Variants in CAMK4 observed in about 807,000 individuals in gnomAD.
CAMK4 encodes calcium/calmodulin dependent protein kinase IV.
CAMK4 carries 22 observed loss-of-function variants against 44.9 expected under a neutral mutation model. The ratio of observed to expected loss-of-function variants is 0.49; its 90% confidence interval spans 0.35 to 0.70. The LOEUF (loss-of-function observed/expected upper bound fraction) is 0.70. Ranked by LOEUF, CAMK4 falls within the 30% of genes least tolerant of loss-of-function variation. The pLI is 0.01. For synonymous variants in CAMK4, 218 were observed against 215.4 expected (o/e 1.01, Z -0.11); for missense variants, 498 against 586.8 (o/e 0.85, Z 1.56).
chr5:111,357,806 A>G (rs942408307), intron 2 of CAMK4, among the ~76,000 whole-genome samples: 1 of 152,124 alleles, frequency 6.6e-6, no homozygotes, highest in Non-Finnish European at 1.5e-5. Context: ...ATTGTTAAAC[A>G]CTATGTAATG....
chr5:111,245,655 C>T (rs1454029689), intron 1 of CAMK4, among the ~76,000 whole-genome samples: 1 of 152,184 alleles, frequency 6.6e-6, no homozygotes, highest in East Asian at 1.9e-4. Flanking sequence ...AACTGATTCC[C>T]TGATCTAATA....
chr5:111,473,345 T>C lies in CAMK4; in HGVS notation c.660T>C (p.Pro220=). ...TTCTTAGAGGTTGTGCCTATGGACC[T>C]GAGGTGGACATGTGGTCTGTAGGAA... is the stretch of plus-strand genomic sequence containing the variant. ...PEILRGCAYG[P]EVDMWSVGII... The change falls in exon 8 of 11, where the codon CCT becomes CCC. Residue 220 remains proline, a synonymous_variant. Transcript: ENST00000282356. The C allele has an allele frequency of 6.2e-7, 1 of 1,612,946 alleles. No individual in the cohort carries two copies. Among genetic ancestry groups the C allele is most frequent in the East Asian group, 2.2e-5 (1 of 44,820 alleles).
Position 111,290,136 on chromosome 5 carries a change from T to C in CAMK4, c.162-53888T>C, listed in dbSNP as rs1025294187. On this transcript the variant is annotated intron_variant, in intron 1 of 10. Transcript: ENST00000282356. The surrounding 1 kb of genome is among the most constrained non-coding windows in gnomAD (Gnocchi z 4.5). Reference sequence around the variant, plus strand: ...CCTGTCAAGTATCGTATATATGCCATTGGTTCAACACATAAACCCTGTTTT... The same window carrying C: ...CCTGTCAAGTATCGTATATATGCCACTGGTTCAACACATAAACCCTGTTTT... Among the ~76,000 whole-genome samples, 2 of 152,148 alleles carry C rather than the reference T, an allele frequency of 1.3e-5. No individual in the cohort carries two copies. Among genetic ancestry groups the C allele is most frequent in the Non-Finnish European group, 1.5e-5 (1 of 68,028 alleles).
chr5:111,338,791 G>C (rs1053252697), intron 1 of CAMK4, among the ~76,000 whole-genome samples: 5 of 151,192 alleles, frequency 3.3e-5, no homozygotes, highest in South Asian at 4.2e-4. Context: ...TTTATTTCTG[G>C]GTTCTATATT....
In CAMK4 at chr5:111,290,187, C is replaced by G. The variant is rs1212259629; in HGVS notation, c.162-53837C>G. On this transcript the variant is annotated intron_variant, in intron 1 of 10. Coordinates refer to ENST00000282356, the MANE Select transcript of CAMK4 (RefSeq NM_001744.6). This position sits in a 1 kb window ranked among gnomAD's most constrained non-coding sequence, Gnocchi z 4.5. ...GGAGTATAGACGCCTGCTCCCCTAC[C>G]CATAAAAATTTTCCTTGAGCTGGAA... Among the ~76,000 whole-genome samples the G allele has an allele frequency of 1.3e-5, 2 of 152,116 alleles. No homozygotes were observed. Among genetic ancestry groups the G allele is most frequent in the Non-Finnish European group, 2.9e-5 (2 of 68,032 alleles).
Position 111,290,756 on chromosome 5 carries a change from A to G in CAMK4, c.162-53268A>G, listed in dbSNP as rs1747207332. Among the ~76,000 whole-genome samples, 1 of 152,152 alleles carries G rather than the reference A, an allele frequency of 6.6e-6. No individual in the cohort carries two copies. Among genetic ancestry groups the G allele is most frequent in the Non-Finnish European group, 1.5e-5 (1 of 68,020 alleles). ...AGACTACATGGTGAGAAGTGGGAGAAGTGCTGGGCAGGCATGAGGTAAGGT... is the reference window on the plus strand; with the variant it reads ...AGACTACATGGTGAGAAGTGGGAGAGGTGCTGGGCAGGCATGAGGTAAGGT... On this transcript the variant is annotated intron_variant, in intron 1 of 10. Transcript: ENST00000282356. The surrounding 1 kb of genome is among the most constrained non-coding windows in gnomAD (Gnocchi z 4.5).
At chr5:111,258,998 G>A (rs1749865011) in intron 1 of CAMK4, among the ~76,000 whole-genome samples, 1 of 151,988 alleles carries the variant, frequency 6.6e-6, no homozygotes, top group African/African-American at 2.4e-5. Flanking sequence ...CCAAATCCAG[G>A]GAAGAAAGAG....
At chr5:111,418,839 T>C (rs1354422508) in intron 5 of CAMK4, among the ~76,000 whole-genome samples, 1 of 152,212 alleles carries the variant, frequency 6.6e-6, no homozygotes, top group Non-Finnish European at 1.5e-5. Context: ...ATCCAGTCTA[T>C]TGTTGTTGGA....
At position 111,484,564 on chromosome 5, in the gene CAMK4, C is replaced by A; in HGVS notation, c.*98C>A. 2 of 766,038 alleles carry A rather than the reference C, an allele frequency of 2.6e-6. No homozygotes were observed. The highest frequency in any genetic ancestry group is 2.9e-5 in the East Asian group (1 of 34,106). The allele number at this position is 766,038 out of a possible 1,614,324, so 47.5% of individuals were successfully genotyped here. On this transcript the variant is annotated 3_prime_UTR_variant, in exon 11 of 11. Transcript: ENST00000282356. The surrounding 1 kb of genome is among the most constrained non-coding windows in gnomAD (Gnocchi z 5.3). ...AAGCATGATATGTACTATAGTGATTCTGTTTTTGAGGTGCAAAAAACATAC... is the reference window on the plus strand; with the variant it reads ...AAGCATGATATGTACTATAGTGATTATGTTTTTGAGGTGCAAAAAACATAC...
At chr5:111,476,261 GTGTGTGTGTT>G (rs1285151825) in intron 8 of CAMK4, among the ~76,000 whole-genome samples, 3 of 145,124 alleles carry the variant, frequency 2.1e-5, no homozygotes, top group Non-Finnish European at 4.5e-5. Context: ...GTGTGTGTGT[GTGTGTGTGTT>G]TGTGTGTGTG....
intron 1 of CAMK4, among the ~76,000 whole-genome samples, chr5:111,342,510 T>C (rs907777843): frequency 7.9e-5 from 12 of 151,478 alleles, no homozygotes; most frequent in African/African-American, 2.9e-4. Flanking sequence ...AACCTATTTA[T>C]GCCTATATAT....
intron 5 of CAMK4, among the ~76,000 whole-genome samples, chr5:111,399,640 T>C (rs1314855156): frequency 6.6e-6 from 1 of 152,214 alleles, no homozygotes; most frequent in Non-Finnish European, 1.5e-5. Context: ...TTTTTCTTTC[T>C]GGATAACGAG....
At chr5:111,483,856 T>C (rs1755516036) in intron 10 of CAMK4, among the ~76,000 whole-genome samples, 170 bp from the exon 11 acceptor site, 1 of 152,240 alleles carries the variant, frequency 6.6e-6, no homozygotes, top group Admixed American at 6.5e-5. Flanking sequence ...AAAGAGGTTT[T>C]ACTGTTCATT....
At chr5:111,360,579 C>G (rs148752893) in intron 2 of CAMK4, among the ~76,000 whole-genome samples, 1 of 152,220 alleles carries the variant, frequency 6.6e-6, no homozygotes, top group Non-Finnish European at 1.5e-5. Context: ...AGGGCATAAA[C>G]ATGGAATGTG....
intron 7 of CAMK4, among the ~76,000 whole-genome samples, chr5:111,468,430 T>C (rs1206572557): frequency 6.6e-6 from 1 of 152,256 alleles, no homozygotes; most frequent in African/African-American, 2.4e-5. Context: ...GCCAGAGTGC[T>C]TATACCATTA....
At chr5:111,394,468 G>A (rs1751922715) in intron 4 of CAMK4, among the ~76,000 whole-genome samples, 1 of 152,102 alleles carries the variant, frequency 6.6e-6, no homozygotes, top group Non-Finnish European at 1.5e-5. Context: ...AACAGACAAA[G>A]TGTTTTCTCC....
chr5:111,449,893 A>G (rs189716820), intron 7 of CAMK4: 1 of 152,384 alleles, frequency 6.6e-6, no homozygotes, highest in Non-Finnish European at 1.5e-5. Context: ...AATTATCAAG[A>G]ATTCCTAAAA....
intron 2 of CAMK4, among the ~76,000 whole-genome samples, chr5:111,373,843 T>G (rs1452306856): frequency 1.3e-5 from 2 of 152,134 alleles, no homozygotes; most frequent in African/African-American, 4.8e-5. Context: ...ATCTATCGAT[T>G]GTTTTGATAA....
In CAMK4 at chr5:111,487,590, T is replaced by C. The variant is rs1755675613; in HGVS notation, c.*3124T>C. The C allele has an allele frequency of 6.6e-6, 1 of 152,192 alleles. No individual in the cohort carries two copies. Among genetic ancestry groups the C allele is most frequent in the African/African-American group, 2.4e-5 (1 of 41,450 alleles). The allele number at this position is 152,192 out of a possible 1,614,324, so 9.4% of individuals were successfully genotyped here. On this transcript the variant is annotated 3_prime_UTR_variant, in exon 11 of 11. Transcript: ENST00000282356. ...AGTATAGTATTTTTAATCCAATTCA[T>C]CCAAATTATTCTATCGATATATAGT...
Sources: gnomAD v4.1 joint callset for allele counts (sites outside exome capture counted in the v4.1 genomes callset) on GRCh38, gnomAD v4.1.1 for gene constraint, Gnocchi (gnomAD v3.1) non-coding constraint, MANE v1.5 for transcripts, NCBI Gene and HGNC (gene_info 2026-07-23, HGNC 2026-07-21) for gene names.